EFNA5: variants seen among roughly 807,000 people sequenced by gnomAD.
EFNA5 encodes ephrin A5, also known as ephrin-A5.
Under a neutral mutation model 22.9 loss-of-function variants are expected in EFNA5, and 5 were observed. The ratio of observed to expected loss-of-function variants is 0.22; its 90% CI spans 0.11 to 0.46. The LOEUF (loss-of-function observed/expected upper bound fraction) is 0.46, where lower values mean the gene tolerates loss of function less well. Among genes scored for constraint, EFNA5 ranks in the 20% least tolerant of loss-of-function variants. The pLI is 0.99. For synonymous variants in EFNA5, 113 were observed against 112.2 expected (o/e 1.01, Z -0.04); for missense variants, 237 against 293.3 (o/e 0.81, Z 1.40).
At chr5:107,640,725 T>C (rs1161785131) in intron 1 of EFNA5, among the ~76,000 whole-genome samples, 1 of 152,228 alleles carries the variant, frequency 6.6e-6, no homozygotes, top group Non-Finnish European at 1.5e-5. Context: ...GCGGACTGTC[T>C]TGCAGTATTA....
chr5:107,591,904 A>G (rs1193782388), intron 1 of EFNA5, among the ~76,000 whole-genome samples: 69 of 4,272 alleles, frequency 0.016, 18 homozygotes, highest in African/African-American at 0.15. Context: ...TATATAATAT[A>G]TAATATAAAA....
At chr5:107,416,754 A>G (rs1314337624) in intron 2 of EFNA5, among the ~76,000 whole-genome samples, 1 of 152,124 alleles carries the variant, frequency 6.6e-6, no homozygotes, top group African/African-American at 2.4e-5. Flanking sequence ...ATATAGTAAG[A>G]CCTCTAAGCA....
intron 1 of EFNA5, among the ~76,000 whole-genome samples, chr5:107,453,174 T>TG (rs2112448422): frequency 6.6e-6 from 1 of 152,280 alleles, no homozygotes; most frequent in Admixed American, 6.5e-5. Flanking sequence ...ACATTCTAGA[T>TG]GGAGTTCTAA....
At chr5:107,491,982 G>A (rs1283540160) in intron 1 of EFNA5, among the ~76,000 whole-genome samples, 12 of 151,996 alleles carry the variant, frequency 7.9e-5, no homozygotes, top group South Asian at 2.1e-4. Flanking sequence ...TTACAGGTGC[G>A]CGCCACTATG....
At chr5:107,386,568 C>T (rs145834886) in intron 4 of EFNA5, among the ~76,000 whole-genome samples, 1,535 of 152,198 alleles carry the variant, frequency 0.01, 19 homozygotes, top group Admixed American at 0.014. Context: ...TTTTATTTAT[C>T]CTTAAAACTT....
intron 2 of EFNA5, among the ~76,000 whole-genome samples, chr5:107,395,741 G>C (rs893828961): frequency 1.3e-5 from 2 of 152,116 alleles, no homozygotes; most frequent in Non-Finnish European, 2.9e-5. Context: ...TACTAGAGAG[G>C]TATTATCTGA....
intron 1 of EFNA5, among the ~76,000 whole-genome samples, chr5:107,666,273 C>G (rs1225948138): frequency 1.3e-5 from 2 of 151,020 alleles, no homozygotes; most frequent in Non-Finnish European, 3.0e-5. Context: ...TTAAATGGAG[C>G]AACTAAATTT....
rs537075391 is a variant in EFNA5 at position 107,591,002 on chromosome 5, C to G, written c.125+79487G>C. Among the ~76,000 whole-genome samples, 42 of 152,160 alleles carry G rather than the reference C, an allele frequency of 2.8e-4. 1 individual carries two copies. In the South Asian group the frequency reaches 8.5e-3, roughly 31 times the overall value. On this transcript the variant is annotated intron_variant, in intron 1 of 4. Transcript: ENST00000333274. ...TGTGTGAAGCAAAGCTATCATTGTA[C>G]ATATTTTACTACCATCTGTTGTTTC... is the stretch of plus-strand genomic sequence containing the variant.
At chr5:107,658,029 TCTCA>T (rs1335357252) in intron 1 of EFNA5, among the ~76,000 whole-genome samples, 3 of 152,158 alleles carry the variant, frequency 2.0e-5, no homozygotes, top group Non-Finnish European at 4.4e-5. Flanking sequence ...AGCAAAAGTT[TCTCA>T]CTAAGACTAC....
At chr5:107,470,374 C>T (rs898156398) in intron 1 of EFNA5, among the ~76,000 whole-genome samples, 3 of 152,186 alleles carry the variant, frequency 2.0e-5, no homozygotes, top group Admixed American at 2.0e-4. Flanking sequence ...TGTTATTATA[C>T]GGCTTCTGAG....
chr5:107,532,573 G>T (rs930424470), intron 1 of EFNA5, among the ~76,000 whole-genome samples: 1 of 152,208 alleles, frequency 6.6e-6, no homozygotes, highest in African/African-American at 2.4e-5. Flanking sequence ...AAGAAGCATG[G>T]AATTTCTAAG....
At chr5:107,512,258 A>G (rs560840240) in intron 1 of EFNA5, among the ~76,000 whole-genome samples, 2 of 152,168 alleles carry the variant, frequency 1.3e-5, no homozygotes, top group Non-Finnish European at 2.9e-5. Flanking sequence ...ATCCTGGCTC[A>G]GTGGTTAAAG....
chr5:107,510,834 C>T (rs1046233497), intron 1 of EFNA5, among the ~76,000 whole-genome samples: 5 of 152,106 alleles, frequency 3.3e-5, no homozygotes, highest in African/African-American at 9.7e-5. Flanking sequence ...AGGATGACAA[C>T]GAGCTACCTA....
At chr5:107,413,825 A>G (rs1327709130) in intron 2 of EFNA5, among the ~76,000 whole-genome samples, 2 of 152,192 alleles carry the variant, frequency 1.3e-5, no homozygotes, top group Non-Finnish European at 2.9e-5. Context: ...GTCAGGCAGA[A>G]GGAAGGATTT....
chr5:107,532,731 A>T (rs976859818), intron 1 of EFNA5, among the ~76,000 whole-genome samples: 1 of 152,234 alleles, frequency 6.6e-6, no homozygotes, highest in African/African-American at 2.4e-5. Flanking sequence ...GCTGTCTGAC[A>T]AAAGCGATTC....
chr5:107,623,340 A>G (rs1318010603), intron 1 of EFNA5, among the ~76,000 whole-genome samples: 8 of 152,202 alleles, frequency 5.3e-5, no homozygotes, highest in Non-Finnish European at 1.2e-4. Context: ...TAGATCCAGA[A>G]ATGTACCAAA....
chr5:107,486,490 CTG>C, intron 1 of EFNA5, among the ~76,000 whole-genome samples: 1 of 152,214 alleles, frequency 6.6e-6, no homozygotes, highest in East Asian at 1.9e-4. Flanking sequence ...TATGGAAATC[CTG>C]AGGCTATAAA....
rs1375954379 is a variant in EFNA5, at chr5:107,425,198, G to A, written c.418+2019C>T. Among the ~76,000 whole-genome samples the A allele has an allele frequency of 3.3e-5, 5 of 152,132 alleles. No homozygotes were observed. The East Asian group carries it at 5.8e-4, about 18-fold the overall frequency. On this transcript the variant is annotated intron_variant, in intron 2 of 4. Transcript: ENST00000333274. ...AAATGAGGAAAAACCAGTCATAAGC[G>A]CTATGGGTATATTTGAATAATAACA...
At chr5:107,438,646 A>G (rs1005591773) in intron 1 of EFNA5, among the ~76,000 whole-genome samples, 1 of 152,072 alleles carries the variant, frequency 6.6e-6, no homozygotes, top group Non-Finnish European at 1.5e-5. Context: ...AGGAGAGGAA[A>G]CCAGCGTTCT....
Sources: allele counts gnomAD v4.1 joint callset (sites outside exome capture counted in the v4.1 genomes callset), GRCh38; gene constraint gnomAD v4.1.1; transcripts MANE v1.5; gene names NCBI Gene and HGNC (gene_info 2026-07-23, HGNC 2026-07-21).